Variants in LSAMP observed in about 807,000 individuals in gnomAD.
The protein encoded by LSAMP is limbic system associated membrane protein, also known as limbic system-associated membrane protein.
A neutral mutation model predicts 38.6 loss-of-function variants in LSAMP; 7 were observed. The observed-to-expected ratio is 0.18, with a 90% CI of 0.10 to 0.34. The LOEUF (loss-of-function observed/expected upper bound fraction) is 0.34. LSAMP is among the 10% of genes least tolerant of loss of function. The probability of loss-of-function intolerance (pLI) is 1.00; values close to 1 mark genes in which losing one functional copy is unlikely to be tolerated. For synonymous variants in LSAMP, 154 were observed against 166.8 expected, an observed-to-expected ratio of 0.92 and a Z score of 0.59; for missense variants, 313 against 420.0, an observed-to-expected ratio of 0.75 and a Z score of 2.23.
chr3:116,138,816 A>G (rs1015624735), intron 1 of LSAMP, among the ~76,000 whole-genome samples: 11 of 128,708 alleles, frequency 8.5e-5, no homozygotes, highest in Non-Finnish European at 1.2e-4. Context: ...TACCTTACGT[A>G]AATTGACTTT....
At chr3:116,399,678 G>A (rs1035020660) in intron 1 of LSAMP, among the ~76,000 whole-genome samples, 1 of 152,172 alleles carries the variant, frequency 6.6e-6, no homozygotes, top group Non-Finnish European at 1.5e-5. Flanking sequence ...TGAGTCTGCA[G>A]GTTGAAGTCA....
At chr3:116,057,932 TAC>T (rs535645480) in intron 2 of LSAMP, among the ~76,000 whole-genome samples, 86 of 136,532 alleles carry the variant, frequency 6.3e-4, no homozygotes, top group East Asian at 5.2e-3. Flanking sequence ...ATATAGTAGC[TAC>T]ACACACACAC....
chr3:116,370,716 G>T (rs1202665096), intron 1 of LSAMP, among the ~76,000 whole-genome samples: 3 of 152,152 alleles, frequency 2.0e-5, no homozygotes, highest in Non-Finnish European at 4.4e-5. Context: ...ATCCGTGGTT[G>T]TTGCATGTCC....
At chr3:116,086,577 T>C in intron 1 of LSAMP, 21 bp from the exon 2 acceptor site, 2 of 1,573,802 alleles carry the variant, frequency 1.3e-6, no homozygotes, top group South Asian at 1.1e-5. Context: ...AGAGTAACAA[T>C]ATTAGTGCCT....
intron 1 of LSAMP, among the ~76,000 whole-genome samples, chr3:116,128,909 A>T (rs994932083): frequency 3.3e-5 from 5 of 152,314 alleles, no homozygotes; most frequent in Admixed American, 3.3e-4. Context: ...CCATTCATAT[A>T]TTACCTGAGT....
At chr3:116,282,882 C>A (rs116147463) in intron 1 of LSAMP, among the ~76,000 whole-genome samples, 1 of 151,948 alleles carries the variant, frequency 6.6e-6, no homozygotes, top group Non-Finnish European at 1.5e-5. Context: ...AACTGCTGTG[C>A]TCCTTGTCAG....
intron 3 of LSAMP, among the ~76,000 whole-genome samples, chr3:115,963,267 A>G (rs1412705022): frequency 6.6e-6 from 1 of 152,256 alleles, no homozygotes; most frequent in Non-Finnish European, 1.5e-5. Context: ...CAAAACTGCC[A>G]TTGTGTAAAT....
intron 1 of LSAMP, among the ~76,000 whole-genome samples, chr3:116,136,481 TATTA>T (rs146234828): frequency 0.028 from 4,305 of 152,304 alleles, 89 homozygotes; most frequent in Non-Finnish European, 0.044. Flanking sequence ...GCATTAAATT[TATTA>T]ATTCGCTTGT....
intron 1 of LSAMP, among the ~76,000 whole-genome samples, chr3:116,174,292 G>T (rs1710280867): frequency 6.6e-6 from 1 of 151,770 alleles, no homozygotes; most frequent in African/African-American, 2.4e-5. Context: ...AAAATATTCT[G>T]CAAGCCATAT....
rs970370262 is a variant in LSAMP at position 116,207,122 on chromosome 3, CTCT to C, written c.156-120569_156-120567del. On this transcript the variant is annotated intron_variant, in intron 1 of 6. Coordinates refer to ENST00000490035, the MANE Select transcript of LSAMP (RefSeq NM_002338.5). ...GTGCATATATATTTAGAATAGTTAG[CTCT>C]TCTTGTTGAATTGATCCCTTTACCA... is the stretch of plus-strand genomic sequence containing the variant. Among the ~76,000 whole-genome samples, 249 of 152,200 alleles carry C rather than the reference CTCT, an allele frequency of 1.6e-3. 2 individuals are homozygous for C. The highest frequency in any genetic ancestry group is 5.6e-3 in the African/African-American group (233 of 41,500).
chr3:115,852,711 TCTTTTC>T, intron 3 of LSAMP, 94 bp from the exon 4 acceptor site: 1 of 1,205,528 alleles, frequency 8.3e-7, no homozygotes, highest in Non-Finnish European at 1.1e-6. Flanking sequence ...AATCCACATT[TCTTTTC>T]AATGATTTGA....
chr3:116,344,245 T>C (rs2048035055), intron 1 of LSAMP, among the ~76,000 whole-genome samples: 2 of 152,068 alleles, frequency 1.3e-5, no homozygotes, highest in Admixed American at 6.6e-5. Context: ...GTGATTACAC[T>C]GGTACAGATA....
At chr3:115,853,904 G>C (rs1935411395) in intron 3 of LSAMP, among the ~76,000 whole-genome samples, 1 of 152,134 alleles carries the variant, frequency 6.6e-6, no homozygotes, top group Admixed American at 6.6e-5. Flanking sequence ...GCTATAAGCT[G>C]TTTTCCTTTT....
At chr3:116,093,781 G>T (rs1168838261) in intron 1 of LSAMP, among the ~76,000 whole-genome samples, 4 of 152,142 alleles carry the variant, frequency 2.6e-5, no homozygotes, top group Non-Finnish European at 4.4e-5. Flanking sequence ...GATATGGAAA[G>T]ATTCAAGATG....
intron 3 of LSAMP, among the ~76,000 whole-genome samples, chr3:116,006,933 G>T (rs1218969664): frequency 6.6e-6 from 1 of 152,030 alleles, no homozygotes; most frequent in African/African-American, 2.4e-5. Flanking sequence ...CCCCTGATCT[G>T]GATCTGTCTT....
chr3:115,906,694 A>G (rs1254711534), intron 3 of LSAMP, among the ~76,000 whole-genome samples: 1 of 152,154 alleles, frequency 6.6e-6, no homozygotes, highest in East Asian at 1.9e-4. Context: ...ATAAATTGCT[A>G]TCTACAAAGC....
rs116388081 is a variant in LSAMP, at chr3:116,443,532, C to T, written c.155+1345G>A. Among the ~76,000 whole-genome samples, 1,474 of 152,182 alleles carry T rather than the reference C, an allele frequency of 9.7e-3. 15 individuals are homozygous for T. Among genetic ancestry groups the T allele is most frequent in the African/African-American group, 0.032 (1,326 of 41,526 alleles). On this transcript the variant is annotated intron_variant, in intron 1 of 6. Transcript: ENST00000490035. ...TTCGTCTCTAACAAGGCTAGAGCTC[C>T]CAAAGCAGGACACTGTGACAGCCAA...
chr3:116,298,399 AT>A (rs1271739249), intron 1 of LSAMP, among the ~76,000 whole-genome samples: 1 of 152,064 alleles, frequency 6.6e-6, no homozygotes, highest in Non-Finnish European at 1.5e-5. Context: ...GTCTGAATGC[AT>A]TTGAGAGATG....
At chr3:116,304,124 A>AAGAT (rs2047451081) in intron 1 of LSAMP, among the ~76,000 whole-genome samples, 1 of 152,174 alleles carries the variant, frequency 6.6e-6, no homozygotes, top group Non-Finnish European at 1.5e-5. Flanking sequence ...CAGTTCAACA[A>AAGAT]AGATACTTAG....
Sources: gnomAD v4.1 joint callset for allele counts (sites outside exome capture counted in the v4.1 genomes callset) on GRCh38, gnomAD v4.1.1 for gene constraint, MANE v1.5 for transcripts, NCBI Gene and HGNC (gene_info 2026-07-23, HGNC 2026-07-21) for gene names.